The following KLRG1 variants were observed in gnomAD, a reference collection of about 807,000 sequenced individuals.
KLRG1 encodes killer cell lectin-like receptor subfamily G member 1.
In KLRG1, 16 loss-of-function variants were observed where a neutral mutation model predicts 21.8. The observed-to-expected ratio is 0.73, with a 90% CI of 0.50 to 1.11. KLRG1 has a LOEUF of 1.11. Ranked by LOEUF, KLRG1 falls within the 50% of genes most tolerant of loss-of-function variation. KLRG1 has a pLI of 0.00. For missense variants in KLRG1, 173 were observed against 218.3 expected, an observed-to-expected ratio of 0.79 and a Z score of 1.31; for synonymous variants, 69 against 75.9, an observed-to-expected ratio of 0.91 and a Z score of 0.47.
chr12:9,060,287 G>C, the KLRG1 span, among the ~76,000 whole-genome samples: 3 of 152,070 alleles, frequency 2.0e-5, no homozygotes, highest in Admixed American at 1.3e-4. Context: ...CTCCCAAAGT[G>C]CTGGGATTAC....
chr12:8,998,548 G>C (rs1203441192), intron 3 of KLRG1, among the ~76,000 whole-genome samples: 1 of 151,920 alleles, frequency 6.6e-6, no homozygotes, highest in East Asian at 1.9e-4. Flanking sequence ...AATTAGCTGG[G>C]TGTGGTGGCG....
At position 9,010,259 on chromosome 12, in the gene KLRG1, C is replaced by G. The variant is rs3026249; in HGVS notation, c.*722C>G. On this transcript the variant is annotated 3_prime_UTR_variant, in exon 5 of 5. Coordinates refer to ENST00000356986, the MANE Select transcript of KLRG1 (RefSeq NM_005810.4). ...AGTGAGGGCAAGGTGGTACTTCCTC[C>G]TTCTGAGCTCTTCACACGTAATGCA... 3.6e-5 allele frequency: 17 copies of G among 473,736 alleles called. No homozygotes were observed. Among genetic ancestry groups the G allele is most frequent in the Non-Finnish European group, 6.4e-5 (17 of 266,460 alleles). The allele number at this position is 473,736 out of a possible 1,614,324, so 29.3% of individuals were successfully genotyped here.
the KLRG1 span, among the ~76,000 whole-genome samples, chr12:9,185,184 AT>A: frequency 6.6e-6 from 1 of 152,220 alleles, no homozygotes; most frequent in Admixed American, 6.5e-5. Context: ...AAGAATCACA[AT>A]AAAATGATGC....
the KLRG1 span, among the ~76,000 whole-genome samples, chr12:9,070,951 G>C: frequency 6.6e-6 from 1 of 152,090 alleles, no homozygotes; most frequent in Admixed American, 6.6e-5. Context: ...CTCCCGAGTA[G>C]CTGGGATTAC....
At chr12:9,028,149 C>CTTTTTTT in the KLRG1 span, 35 of 485,826 alleles carry the variant, frequency 7.2e-5, no homozygotes, top group South Asian at 2.5e-4. Flanking sequence ...TCGTCTTCTT[C>CTTTTTTT]TTTTTTTTTT....
chr12:9,202,190 G>A, the KLRG1 span: 1 of 810,418 alleles, frequency 1.2e-6, no homozygotes, highest in Non-Finnish European at 2.0e-6. Flanking sequence ...GCAAATCTGT[G>A]CTGAGGCTGG....
At chr12:8,981,765 G>T (rs1435975695) in intron 1 of KLRG1, among the ~76,000 whole-genome samples, 1 of 152,086 alleles carries the variant, frequency 6.6e-6, no homozygotes, top group Non-Finnish European at 1.5e-5. Context: ...TGATGGTGGT[G>T]TTGAGGTTTT....
At chr12:8,958,058 G>A (rs1946325144) in intron 1 of KLRG1, among the ~76,000 whole-genome samples, 1 of 152,044 alleles carries the variant, frequency 6.6e-6, no homozygotes, top group Admixed American at 6.6e-5. Context: ...GTTTATGTCT[G>A]TAATTTATTT....
the KLRG1 span, among the ~76,000 whole-genome samples, chr12:9,182,350 CTTT>C: frequency 6.6e-6 from 1 of 152,114 alleles, no homozygotes; most frequent in Non-Finnish European, 1.5e-5. Flanking sequence ...TCACTCACAT[CTTT>C]TTTATTTGAT....
chr12:9,193,937 C>A, the KLRG1 span: 1 of 816,482 alleles, frequency 1.2e-6, no homozygotes, highest in Non-Finnish European at 1.8e-6. Flanking sequence ...TCATGAAATT[C>A]TATTATCCTC....
the KLRG1 span, among the ~76,000 whole-genome samples, chr12:9,086,954 T>C: frequency 6.6e-6 from 1 of 152,082 alleles, no homozygotes. Context: ...AGATACAAAA[T>C]TAACACATAA....
the KLRG1 span, among the ~76,000 whole-genome samples, chr12:9,032,758 G>A: frequency 5.9e-5 from 9 of 152,074 alleles, no homozygotes; most frequent in East Asian, 5.8e-4. Context: ...GACTGTTAAC[G>A]TTTCTCATGA....
chr12:9,169,754 T>C, the KLRG1 span: 1 of 580,598 alleles, frequency 1.7e-6, no homozygotes, highest in Non-Finnish European at 2.6e-6. Context: ...TTAACAGTGT[T>C]GTTTTGTTAT....
At chr12:8,953,402 G>C (rs1946238238) in intron 1 of KLRG1, among the ~76,000 whole-genome samples, 1 of 152,242 alleles carries the variant, frequency 6.6e-6, no homozygotes, top group Admixed American at 6.5e-5. Context: ...GGGCACGACA[G>C]TGTAGAAAAC....
chr12:9,031,125 C>A, the KLRG1 span, among the ~76,000 whole-genome samples: 5 of 152,170 alleles, frequency 3.3e-5, no homozygotes, highest in Non-Finnish European at 7.4e-5. Context: ...GGGCTCAACC[C>A]CTCAGGCACT....
chr12:9,040,690 C>A, the KLRG1 span, among the ~76,000 whole-genome samples: 9 of 152,246 alleles, frequency 5.9e-5, no homozygotes, highest in African/African-American at 1.9e-4. Flanking sequence ...GAAAGGGTGC[C>A]TCACTATTGT....
chr12:9,167,013 A>G, the KLRG1 span: 2 of 152,210 alleles, frequency 1.3e-5, no homozygotes, highest in Non-Finnish European at 2.9e-5. Context: ...ATTTCACCCT[A>G]ACAGTTTTCT....
chr12:9,093,362 C>T, the KLRG1 span: 8 of 739,574 alleles, frequency 1.1e-5, no homozygotes, highest in East Asian at 2.7e-5. Context: ...TCATGTTGTA[C>T]ATCATAAACA....
At chr12:9,039,297 T>C in the KLRG1 span, among the ~76,000 whole-genome samples, 162 of 152,360 alleles carry the variant, frequency 1.1e-3, no homozygotes, top group African/African-American at 3.8e-3. Flanking sequence ...CCAGCTTAGA[T>C]TGCGTATGTG....
Sources: gnomAD v4.1 joint callset for allele counts (sites outside exome capture counted in the v4.1 genomes callset) on GRCh38, gnomAD v4.1.1 for gene constraint, MANE v1.5 for transcripts, NCBI Gene and HGNC (gene_info 2026-07-23, HGNC 2026-07-21) for gene names.